CEP135: variants seen among roughly 807,000 people sequenced by gnomAD.
The protein encoded by CEP135 is centrosomal protein of 135 kDa.
Under a neutral mutation model 157.3 loss-of-function variants are expected in CEP135, and 142 were observed. The observed-to-expected ratio is 0.90, with a 90% CI of 0.79 to 1.04. The LOEUF (loss-of-function observed/expected upper bound fraction) is 1.04, where lower values mean the gene tolerates loss of function less well. Ranked by LOEUF, CEP135 falls within the 50% of genes least tolerant of loss-of-function variation. The probability of loss-of-function intolerance (pLI) is 0.00; values close to 1 mark genes in which losing one functional copy is unlikely to be tolerated. For missense variants in CEP135, 1,317 were observed against 1,309.2 expected (o/e 1.01, Z -0.09); for synonymous variants, 396 against 439.8 (o/e 0.90, Z 1.25).
chr4:55,975,075 C>A, intron 11 of CEP135, 106 bp downstream of exon 11: 1 of 812,544 alleles, frequency 1.2e-6, no homozygotes, highest in Non-Finnish European at 1.9e-6. Flanking sequence ...TTTGAAAAAT[C>A]CTGATTTTGA....
At chr4:55,965,362 C>T (rs998873959) in intron 7 of CEP135, 2 of 288,752 alleles carry the variant, frequency 6.9e-6, no homozygotes, top group Admixed American at 5.0e-5. Flanking sequence ...AGTCTATTAT[C>T]ATCTTGATAT....
chr4:55,965,539 C>A, intron 7 of CEP135, 105 bp from the exon 8 acceptor site: 1 of 753,316 alleles, frequency 1.3e-6, no homozygotes, highest in Non-Finnish European at 2.1e-6. Context: ...TAGTTTTAAT[C>A]TTCAATAATT....
chr4:56,018,283 A>G (rs2702356), intron 22 of CEP135, among the ~76,000 whole-genome samples: 84,652 of 152,004 alleles, frequency 0.56, 24,039 homozygotes, highest in African/African-American at 0.67. Context: ...CCAGCCTACA[A>G]TAGTTACTTT....
intron 14 of CEP135, among the ~76,000 whole-genome samples, chr4:55,989,730 G>A (rs949461152): frequency 1.3e-5 from 2 of 152,174 alleles, no homozygotes; most frequent in African/African-American, 4.8e-5. Flanking sequence ...CCTCAATAAT[G>A]GGGGAAATGT....
Position 55,953,188 on chromosome 4 carries a change from C to T in CEP135, c.217C>T (p.Leu73Phe). ...NFDFVLEPYK[L>F]ENARLSRENN... ...TGATTTTGTTTTGGAACCCTATAAA[C>T]TTGAAAATGCAAGATTGAGTAGAGA... The change falls in exon 3 of 26, where the codon CTT becomes TTT. Residue 73 changes from leucine (L) to phenylalanine (F), a missense_variant. By Grantham distance (22) the Leu-to-Phe change is conservative. Transcript: ENST00000257287. 5 of 1,606,284 alleles carry T rather than the reference C, an allele frequency of 3.1e-6. No homozygotes were observed. In the South Asian group the frequency reaches 5.6e-5, roughly 18 times the overall value.
At chr4:55,953,045 A>G (rs1281020199) in intron 2 of CEP135, 40 bp from the exon 3 acceptor site, 19 of 1,444,798 alleles carry the variant, frequency 1.3e-5, no homozygotes, top group African/African-American at 4.4e-5. Context: ...TAGAAAGTTA[A>G]TGAAATATTT....
chr4:56,016,172 A>C (rs1177374054), intron 21 of CEP135, among the ~76,000 whole-genome samples: 1 of 152,194 alleles, frequency 6.6e-6, no homozygotes, highest in East Asian at 1.9e-4. Flanking sequence ...AAGCACTGGC[A>C]GCATCCACCA....
chr4:55,999,310 A>G lies in CEP135; in HGVS notation c.2018A>G (p.Asn673Ser), dbSNP rs767782156. ...KTEVNSLRIV[N>S]EQLQRSVDDY... Reference sequence around the variant, plus strand: ...GTCCATTGATTCTTTAGGATAGTGAATGAGCAGCTACAGCGGTCAGTTGAT... The same window carrying G: ...GTCCATTGATTCTTTAGGATAGTGAGTGAGCAGCTACAGCGGTCAGTTGAT... The change falls in exon 16 of 26, where the codon AAT (asparagine) becomes AGT (serine). Residue 673 changes from asparagine (N) to serine (S), a missense_variant. Coordinates refer to ENST00000257287, the MANE Select transcript of CEP135 (RefSeq NM_025009.5). The G allele has an allele frequency of 3.2e-5, 51 of 1,613,068 alleles. No individual in the cohort carries two copies. The Admixed American group carries it at 8.5e-4, about 27-fold the overall frequency.
chr4:55,976,427 T>G (rs917026185), intron 11 of CEP135, among the ~76,000 whole-genome samples: 1 of 152,130 alleles, frequency 6.6e-6, no homozygotes, highest in African/African-American at 2.4e-5. Flanking sequence ...GATTGATCAG[T>G]TTAATTAAGT....
chr4:56,012,926 G>T (rs1208981077), intron 21 of CEP135, among the ~76,000 whole-genome samples: 1 of 152,160 alleles, frequency 6.6e-6, no homozygotes, highest in Admixed American at 6.5e-5. Context: ...GGAATTACTG[G>T]ATCATATGAT....
chr4:55,985,478 T>C (rs1269217254), intron 14 of CEP135, 120 bp downstream of exon 14: 12 of 320,150 alleles, frequency 3.7e-5, no homozygotes, highest in Non-Finnish European at 6.0e-5. Context: ...TTTTTTGAGA[T>C]GGAGTCTCGC....
Position 56,031,589 on chromosome 4 carries a change from G to A in CEP135, c.*241G>A, listed in dbSNP as rs1731354746. On this transcript the variant is annotated 3_prime_UTR_variant, in exon 26 of 26. Transcript: ENST00000257287. ...AGAATATGTATTAATAGTGCCTAATGTATCTATATTTTTATTATTCATGAA... is the reference window on the plus strand; with the variant it reads ...AGAATATGTATTAATAGTGCCTAATATATCTATATTTTTATTATTCATGAA... 1 of 152,326 alleles carries A rather than the reference G, an allele frequency of 6.6e-6. No individual in the cohort carries two copies. Among genetic ancestry groups the A allele is most frequent in the African/African-American group, 2.4e-5 (1 of 41,402 alleles). 9.4% of individuals were successfully genotyped at this position (152,326 alleles called of 1,614,324 possible).
intron 3 of CEP135, 59 bp from the exon 4 acceptor site, chr4:55,954,156 GA>G: frequency 6.9e-7 from 1 of 1,441,326 alleles, no homozygotes; most frequent in Non-Finnish European, 9.3e-7. Context: ...TTGTGAAATG[GA>G]AAAACTTCAT....
intron 6 of CEP135, among the ~76,000 whole-genome samples, chr4:55,962,751 T>C (rs1040563378): frequency 1.3e-5 from 2 of 151,998 alleles, no homozygotes; most frequent in Admixed American, 6.6e-5. Context: ...TTTTGCTTTT[T>C]TTCAACTGTC....
At chr4:55,972,850 G>C (rs1055250038) in intron 10 of CEP135, among the ~76,000 whole-genome samples, 1 of 152,066 alleles carries the variant, frequency 6.6e-6, no homozygotes, top group Admixed American at 6.5e-5. Context: ...TGACCCACAT[G>C]GAGAAACCCC....
intron 25 of CEP135, among the ~76,000 whole-genome samples, chr4:56,024,951 AAC>A (rs939995373): frequency 4.8e-4 from 73 of 152,108 alleles, no homozygotes; most frequent in African/African-American, 1.7e-3. Flanking sequence ...AAGCCTGGGC[AAC>A]ACAGTGAGAC....
chr4:55,951,320 GA>G (rs972040148), intron 1 of CEP135, among the ~76,000 whole-genome samples: 2 of 152,178 alleles, frequency 1.3e-5, no homozygotes, highest in Non-Finnish European at 1.5e-5. Flanking sequence ...AAAACTGCCA[GA>G]CTTTTTCCAA....
At chr4:56,000,391 G>A (rs1175127437) in intron 17 of CEP135, among the ~76,000 whole-genome samples, 2 of 152,164 alleles carry the variant, frequency 1.3e-5, no homozygotes, top group East Asian at 1.9e-4. Context: ...CGCTGGATTG[G>A]TGTTAACTGG....
At position 56,020,826 on chromosome 4, in the gene CEP135, C is replaced by T. The variant is rs994560431; in HGVS notation, c.3320+46C>T. On this transcript the variant is annotated intron_variant, in intron 24 of 25. Transcript: ENST00000257287. ...ATTTGACAATGTTTTTATGTGTTCT[C>T]TATTGTACTTCAGAAAGTATTTAAT... 2.9e-6 allele frequency: 4 copies of T among 1,360,740 alleles called. No homozygotes were observed. In the South Asian group the frequency reaches 3.7e-5, roughly 13 times the overall value. The allele number at this position is 1,360,740 out of a possible 1,614,324, so 84.3% of individuals were successfully genotyped here. A position where few individuals can be genotyped will look rare whatever the true frequency, so the allele number is the denominator to read the frequency against.
Sources: allele counts gnomAD v4.1 joint callset (sites outside exome capture counted in the v4.1 genomes callset), GRCh38; gene constraint gnomAD v4.1.1; transcripts MANE v1.5; gene names NCBI Gene and HGNC (gene_info 2026-07-23, HGNC 2026-07-21).